PI4KA: variants seen among roughly 807,000 people sequenced by gnomAD.
PI4KA encodes the protein PI4-kinase alpha.
PI4KA carries 122 observed loss-of-function variants against 271.4 expected under a neutral mutation model. The observed-to-expected ratio is 0.45, with a 90% confidence interval of 0.39 to 0.52. The LOEUF is 0.52. Ranked by LOEUF, PI4KA falls within the 20% of genes least tolerant of loss-of-function variation. PI4KA has a pLI of 0.00. For synonymous variants in PI4KA, 1,041 were observed against 1,078.8 expected (o/e 0.96, Z 0.69); for missense variants, 1,969 against 2,769.1 (o/e 0.71, Z 6.48).
chr22:20,707,860 C>T lies in PI4KA; in HGVS notation c.*187G>A, dbSNP rs1252050274. 24 of 697,910 alleles carry T rather than the reference C, an allele frequency of 3.4e-5. No individual in the cohort carries two copies. Among genetic ancestry groups the T allele is most frequent in the Middle Eastern group, 4.1e-4 (1 of 2,434 alleles). The allele number at this position is 697,910 out of a possible 1,614,324, so 43.2% of individuals were successfully genotyped here. ...ATAGACAGCACCATCCATTGATTGT[C>T]GCTGCAGTCCATGGCGTTACCAAGG... On this transcript the variant is annotated 3_prime_UTR_variant, in exon 55 of 55. Transcript: ENST00000255882.
intron 4 of PI4KA, among the ~76,000 whole-genome samples, chr22:20,824,093 C>T (rs1923060626): frequency 6.6e-6 from 1 of 150,770 alleles, no homozygotes; most frequent in Admixed American, 6.6e-5. Context: ...CAGCCCCTGC[C>T]CTTCATTAGA....
intron 19 of PI4KA, among the ~76,000 whole-genome samples, chr22:20,792,096 G>C (rs1934681422): frequency 6.6e-6 from 1 of 151,832 alleles, no homozygotes; most frequent in South Asian, 2.1e-4. Flanking sequence ...GTGAGAATCT[G>C]TCTCAAAAAT....
At chr22:20,731,226 T>C (rs974893538) in intron 36 of PI4KA, among the ~76,000 whole-genome samples, 1 of 152,176 alleles carries the variant, frequency 6.6e-6, no homozygotes, top group East Asian at 1.9e-4. Context: ...ATCATAATTT[T>C]CTTGATAAAA....
chr22:20,806,383 T>C (rs184374745), intron 10 of PI4KA, among the ~76,000 whole-genome samples: 2 of 152,304 alleles, frequency 1.3e-5, no homozygotes, highest in East Asian at 1.9e-4. Context: ...TAAGCTATTG[T>C]CTCAGGTTGG....
chr22:20,842,209 C>A (rs1366561039), intron 1 of PI4KA, among the ~76,000 whole-genome samples: 1 of 151,658 alleles, frequency 6.6e-6, no homozygotes, highest in Non-Finnish European at 1.5e-5. Flanking sequence ...GCCTGGGCAA[C>A]AGAGCAAGAC....
chr22:20,775,545 C>G (rs1187501107), intron 19 of PI4KA, among the ~76,000 whole-genome samples: 1 of 152,246 alleles, frequency 6.6e-6, no homozygotes, highest in Non-Finnish European at 1.5e-5. Context: ...TATCTGGCCT[C>G]AGATACGTTT....
At chr22:20,739,726 T>C (rs1929185159) in intron 32 of PI4KA, among the ~76,000 whole-genome samples, 1 of 151,934 alleles carries the variant, frequency 6.6e-6, no homozygotes, top group South Asian at 2.1e-4. Context: ...AAAGAATGCA[T>C]GAAGGTAAGA....
intron 19 of PI4KA, among the ~76,000 whole-genome samples, chr22:20,777,214 C>CT (rs907714203): frequency 6.7e-6 from 1 of 150,050 alleles, no homozygotes; most frequent in Non-Finnish European, 1.5e-5. Flanking sequence ...AATTATTTTT[C>CT]TTTTCTTTTT....
chr22:20,798,387 T>A, intron 17 of PI4KA, 197 bp downstream of exon 17: 1 of 561,692 alleles, frequency 1.8e-6, no homozygotes, highest in South Asian at 2.0e-5. Flanking sequence ...TGAGACCTCG[T>A]GCGCTGAGAT....
At chr22:20,818,185 A>G (rs1033810393) in intron 7 of PI4KA, among the ~76,000 whole-genome samples, 15 of 152,214 alleles carry the variant, frequency 9.9e-5, no homozygotes, top group African/African-American at 3.6e-4. Context: ...TTTACAAGTT[A>G]AAGTGCAAAA....
intron 19 of PI4KA, among the ~76,000 whole-genome samples, chr22:20,785,035 C>T (rs2147510561): frequency 6.6e-6 from 1 of 151,816 alleles, no homozygotes; most frequent in African/African-American, 2.4e-5. Flanking sequence ...TTCCTCCCTG[C>T]AGCCCGGCAG....
At chr22:20,813,329 G>A in intron 8 of PI4KA, 29 bp downstream of exon 8, 2 of 1,581,304 alleles carry the variant, frequency 1.3e-6, no homozygotes, top group South Asian at 1.1e-5. Flanking sequence ...CATATCCATG[G>A]TCTGTTCATC....
At chr22:20,721,168 C>A in intron 43 of PI4KA, 130 bp downstream of exon 43, 1 of 903,094 alleles carries the variant, frequency 1.1e-6, no homozygotes, top group South Asian at 1.5e-5. Flanking sequence ...AGTGCCCCAG[C>A]AAAGGGTGGG....
At chr22:20,805,286 T>C in intron 10 of PI4KA, 121 bp from the exon 11 acceptor site, 4 of 671,950 alleles carry the variant, frequency 6.0e-6, no homozygotes, top group South Asian at 3.9e-5. Context: ...CATTTGCTAC[T>C]GGCCACTGTG....
In PI4KA at chr22:20,734,473, T is replaced by C; in HGVS notation, c.3822A>G (p.Ala1274=). The C allele has an allele frequency of 6.2e-7, 1 of 1,613,670 alleles. No individual in the cohort carries two copies. Among genetic ancestry groups the C allele is most frequent in the Non-Finnish European group, 8.5e-7 (1 of 1,179,802 alleles). Residue 1274 remains alanine, a synonymous_variant, in exon 33 of 55, where the codon GCA becomes GCG. Coordinates refer to ENST00000255882, the MANE Select transcript of PI4KA (RefSeq NM_058004.4). The part of the protein sequence containing the change: ...FGLFSAEIKE[A]DPLAASEASQ... ...TTGCTTCCGAGGCAGCCAGGGGGTC[T>C]GCTTCCTTTATCTCAGCAGAAAACA... is the stretch of plus-strand genomic sequence containing the variant.
chr22:20,818,107 A>G (rs1021149566), intron 7 of PI4KA, among the ~76,000 whole-genome samples: 3 of 152,204 alleles, frequency 2.0e-5, no homozygotes, highest in African/African-American at 7.2e-5. Context: ...CCTGGGCAAC[A>G]GAGCCAGACT....
intron 32 of PI4KA, among the ~76,000 whole-genome samples, chr22:20,736,242 C>G (rs1456839221): frequency 6.6e-6 from 1 of 151,740 alleles, no homozygotes; most frequent in Non-Finnish European, 1.5e-5. Context: ...ATGGTGGGAG[C>G]AGCCCAGGAG....
At chr22:20,784,663 C>T (rs545552165) in intron 19 of PI4KA, among the ~76,000 whole-genome samples, 1 of 152,332 alleles carries the variant, frequency 6.6e-6, no homozygotes, top group African/African-American at 2.4e-5. Context: ...ATTGGCTCAA[C>T]TCTTCCCTGC....
At chr22:20,758,147 C>T (rs1243389203) in intron 23 of PI4KA, among the ~76,000 whole-genome samples, 1 of 151,814 alleles carries the variant, frequency 6.6e-6, no homozygotes, top group Non-Finnish European at 1.5e-5. Flanking sequence ...GGGCGGATCA[C>T]GAGGTCAGGA....
Sources: allele counts gnomAD v4.1 joint callset (sites outside exome capture counted in the v4.1 genomes callset), GRCh38; gene constraint gnomAD v4.1.1; transcripts MANE v1.5; gene names NCBI Gene and HGNC (gene_info 2026-07-23, HGNC 2026-07-21).